The following RFC3 variants were observed in gnomAD, a reference collection of about 807,000 sequenced individuals.
RFC3 encodes the protein replication factor C subunit 3.
Under a neutral mutation model 45.1 loss-of-function variants are expected in RFC3, and 41 were observed. The ratio of observed to expected loss-of-function variants is 0.91; its 90% CI spans 0.71 to 1.18. The LOEUF (loss-of-function observed/expected upper bound fraction) is 1.18. RFC3 is among the 50% of genes most tolerant of loss of function. The probability of loss-of-function intolerance (pLI) is 0.00; values close to 1 mark genes in which losing one functional copy is unlikely to be tolerated. For synonymous variants in RFC3, 149 were observed against 144.0 expected (o/e 1.03, Z -0.25); for missense variants, 423 against 428.1 (o/e 0.99, Z 0.10).
intron 8 of RFC3, among the ~76,000 whole-genome samples, chr13:33,842,989 ACT>A (rs1566390670): frequency 6.6e-6 from 1 of 152,154 alleles, no homozygotes; most frequent in African/African-American, 2.4e-5. Flanking sequence ...GCTGTTTTAC[ACT>A]CTGAGATTTA....
At chr13:33,845,597 G>A (rs9570361) in intron 8 of RFC3, among the ~76,000 whole-genome samples, 1 of 152,048 alleles carries the variant, frequency 6.6e-6, no homozygotes, top group Non-Finnish European at 1.5e-5. Flanking sequence ...GAATTTTTCA[G>A]CTGCAGAATT....
chr13:33,959,894 CG>C (rs1183992446), intron 8 of RFC3, among the ~76,000 whole-genome samples: 1 of 152,112 alleles, frequency 6.6e-6, no homozygotes, highest in Non-Finnish European at 1.5e-5. Context: ...AGCATAGCGC[CG>C]GCATCACTCA....
intron 8 of RFC3, chr13:33,850,882 A>G (rs1018316393): frequency 1.3e-5 from 2 of 152,228 alleles, no homozygotes; most frequent in East Asian, 1.9e-4. Flanking sequence ...TAAGCTTAAT[A>G]TACATTGATC....
chr13:33,822,252 A>G (rs1169722246), intron 2 of RFC3, among the ~76,000 whole-genome samples: 1 of 152,242 alleles, frequency 6.6e-6, no homozygotes, highest in Non-Finnish European at 1.5e-5. Context: ...TAGAGGGACA[A>G]TAAACAGCCA....
intron 8 of RFC3, among the ~76,000 whole-genome samples, chr13:33,843,408 T>G (rs2082214547): frequency 6.6e-6 from 1 of 152,232 alleles, no homozygotes; most frequent in East Asian, 1.9e-4. Flanking sequence ...ATGGTACCTT[T>G]GTGGCTTAGT....
At chr13:33,873,649 G>A (rs2082427087) in intron 8 of RFC3, among the ~76,000 whole-genome samples, 1 of 152,124 alleles carries the variant, frequency 6.6e-6, no homozygotes, top group South Asian at 2.1e-4. Context: ...TGAATCTTGG[G>A]TCCACTGTTT....
intron 8 of RFC3, among the ~76,000 whole-genome samples, chr13:33,895,105 A>G (rs1203848151): frequency 1.3e-5 from 2 of 151,796 alleles, no homozygotes; most frequent in Admixed American, 6.6e-5. Flanking sequence ...CAAATGATTC[A>G]TGATTAGAAC....
chr13:33,969,906 A>AT (rs1385051156), downstream of RFC3, among the ~76,000 whole-genome samples: 1 of 145,730 alleles, frequency 6.9e-6, no homozygotes, highest in Non-Finnish European at 1.5e-5. Flanking sequence ...TTATTGTCAG[A>AT]TTTGTTTTTT....
chr13:33,830,734 T>G lies in RFC3; in HGVS notation c.589T>G (p.Ser197Ala), dbSNP rs1328220089. Residue 197 changes from serine (S) to alanine (A), a missense_variant, in exon 6 of 9, where the codon TCT (serine) becomes GCT (alanine). Coordinates refer to ENST00000380071, the MANE Select transcript of RFC3 (RefSeq NM_002915.4). ...TTATTTGTAGATTTGCCACGTGTTA[T>G]CTACTGTGTGTAAGAAGGAAGGTCT... ...PSIEDICHVLSTVCKKEGLNL... is the reference protein window; with the variant it reads ...PSIEDICHVLATVCKKEGLNL... 6.2e-6 allele frequency: 10 copies of G among 1,610,332 alleles called. No individual in the cohort carries two copies. The highest frequency in any genetic ancestry group is 1.7e-5 in the Admixed American group (1 of 59,144).
chr13:33,851,730 T>C (rs1250873655), intron 8 of RFC3, among the ~76,000 whole-genome samples: 1 of 152,186 alleles, frequency 6.6e-6, no homozygotes. Flanking sequence ...AAACAGTGAC[T>C]ATTTTTTGTG....
chr13:33,918,443 G>C (rs2082746783), intron 8 of RFC3, among the ~76,000 whole-genome samples: 1 of 152,076 alleles, frequency 6.6e-6, no homozygotes, highest in Non-Finnish European at 1.5e-5. Flanking sequence ...AGAAACATGA[G>C]CACATGTAAC....
intron 4 of RFC3, among the ~76,000 whole-genome samples, chr13:33,829,099 A>T (rs1225991673): frequency 6.6e-6 from 1 of 152,200 alleles, no homozygotes; most frequent in East Asian, 1.9e-4. Flanking sequence ...TATGGGGCAG[A>T]TCTAAATGCT....
intron 8 of RFC3, among the ~76,000 whole-genome samples, chr13:33,951,484 G>A (rs2082991078): frequency 6.6e-6 from 1 of 151,956 alleles, no homozygotes; most frequent in Admixed American, 6.6e-5. Flanking sequence ...GCTGGCCTTG[G>A]CCTTTCAAAA....
At chr13:33,910,636 G>A (rs2082698277) in intron 8 of RFC3, among the ~76,000 whole-genome samples, 1 of 152,098 alleles carries the variant, frequency 6.6e-6, no homozygotes, top group African/African-American at 2.4e-5. Flanking sequence ...GGATATTTCA[G>A]GCAAAGAAGA....
chr13:33,876,173 G>A (rs2082445414), intron 8 of RFC3, among the ~76,000 whole-genome samples: 2 of 152,048 alleles, frequency 1.3e-5, no homozygotes, highest in Non-Finnish European at 2.9e-5. Context: ...AGGAAGTTTT[G>A]ATCAATAGTT....
chr13:33,870,682 C>G (rs371089595), intron 8 of RFC3, among the ~76,000 whole-genome samples: 1 of 152,176 alleles, frequency 6.6e-6, no homozygotes, highest in African/African-American at 2.4e-5. Context: ...ATATGTCTGG[C>G]TAGAACTAAG....
intron 8 of RFC3, among the ~76,000 whole-genome samples, chr13:33,871,700 AAAAC>A (rs1284807214): frequency 6.6e-6 from 1 of 152,164 alleles, no homozygotes; most frequent in Non-Finnish European, 1.5e-5. Flanking sequence ...CCATTCTCTG[AAAAC>A]AAACAATATA....
chr13:33,834,382 ACTTT>A (rs1192721457), intron 7 of RFC3, among the ~76,000 whole-genome samples: 2 of 138,956 alleles, frequency 1.4e-5, no homozygotes, highest in African/African-American at 5.5e-5. Flanking sequence ...TGTATTTGGA[ACTTT>A]CTCTCTTTTT....
chr13:33,904,962 A>G (rs2082663259), intron 8 of RFC3, among the ~76,000 whole-genome samples: 1 of 152,124 alleles, frequency 6.6e-6, no homozygotes. Context: ...AGAGAAAAAC[A>G]ATGGAATGAT....
Sources: allele counts gnomAD v4.1 joint callset (sites outside exome capture counted in the v4.1 genomes callset), GRCh38; gene constraint gnomAD v4.1.1; transcripts MANE v1.5; gene names NCBI Gene and HGNC (gene_info 2026-07-23, HGNC 2026-07-21).